PXDNL: variants seen among roughly 807,000 people sequenced by gnomAD.
The protein encoded by PXDNL is probable oxidoreductase PXDNL.
PXDNL carries 145 observed loss-of-function variants against 150.8 expected under a neutral mutation model. The ratio of observed to expected loss-of-function variants is 0.96; its 90% CI spans 0.84 to 1.10. The LOEUF (loss-of-function observed/expected upper bound fraction) is 1.10. Among genes scored for constraint, PXDNL ranks in the 50% least tolerant of loss-of-function variants. PXDNL has a pLI of 0.00. For synonymous variants in PXDNL, 757 were observed against 725.7 expected (o/e 1.04, Z -0.69); for missense variants, 2,087 against 1,873.9 (o/e 1.11, Z -2.10).
intron 2 of PXDNL, among the ~76,000 whole-genome samples, chr8:51,652,221 A>G (rs574378332): frequency 5.4e-4 from 82 of 152,238 alleles, no homozygotes; most frequent in African/African-American, 1.8e-3. Context: ...TTCATGAAAA[A>G]TTTAACTTTA....
At chr8:51,476,161 G>C (rs1189911900) in intron 6 of PXDNL, among the ~76,000 whole-genome samples, 1 of 152,188 alleles carries the variant, frequency 6.6e-6, no homozygotes, top group African/African-American at 2.4e-5. Flanking sequence ...CTTTGTTTAT[G>C]TGTTACAGAA....
chr8:51,552,158 T>G (rs533060838), intron 4 of PXDNL, among the ~76,000 whole-genome samples: 1 of 152,152 alleles, frequency 6.6e-6, no homozygotes, highest in African/African-American at 2.4e-5. Flanking sequence ...ACGGCCATAA[T>G]GTAATTAAAA....
chr8:51,720,285 T>C lies in PXDNL; in HGVS notation c.165-65525A>G, dbSNP rs539425396. 4.6e-5 allele frequency among the ~76,000 whole-genome samples: 7 copies of C among 152,176 alleles called. No homozygotes were observed. The East Asian group carries it at 1.4e-3, about 29-fold the overall frequency. On this transcript the variant is annotated intron_variant, in intron 1 of 22. Transcript: ENST00000356297. Reference sequence around the variant, plus strand: ...ACAACTTATGTGACATATTATCCTTTATGTCTGAATTGTTTTTTTAAAGCT... The same window carrying C: ...ACAACTTATGTGACATATTATCCTTCATGTCTGAATTGTTTTTTTAAAGCT...
chr8:51,726,384 T>C (rs1424061706), intron 1 of PXDNL, among the ~76,000 whole-genome samples: 1 of 152,188 alleles, frequency 6.6e-6, no homozygotes, highest in Non-Finnish European at 1.5e-5. Context: ...ACCTTTGGCT[T>C]GGTAAACCCA....
At chr8:51,355,169 A>G (rs1280076385) in intron 19 of PXDNL, among the ~76,000 whole-genome samples, 1 of 152,160 alleles carries the variant, frequency 6.6e-6, no homozygotes, top group Non-Finnish European at 1.5e-5. Context: ...TTCTTTAGTA[A>G]TACTTCGAAG....
rs1814912753 is a variant in PXDNL at position 51,646,087 on chromosome 8, G to C, written c.236+8602C>G. ...TGTTCCCCGAAATGGGTATGTTGAT[G>C]CCCTAACCCCTCACGTGACTAAATT... On this transcript the variant is annotated intron_variant, in intron 2 of 22. Transcript: ENST00000356297. Among the ~76,000 whole-genome samples the C allele has an allele frequency of 2.0e-5, 3 of 152,054 alleles. No individual in the cohort carries two copies. In the South Asian group the frequency reaches 6.2e-4, roughly 31 times the overall value.
At chr8:51,371,578 G>C (rs1328585742) in intron 19 of PXDNL, among the ~76,000 whole-genome samples, 1 of 152,166 alleles carries the variant, frequency 6.6e-6, no homozygotes. Context: ...CAAGTGATTG[G>C]CATTTGATCT....
chr8:51,676,318 C>T (rs1401733967), intron 1 of PXDNL, among the ~76,000 whole-genome samples: 1 of 152,032 alleles, frequency 6.6e-6, no homozygotes, highest in Admixed American at 6.6e-5. Context: ...GCTCTGTCAC[C>T]CAGGCTGGAG....
chr8:51,463,726 G>A lies in PXDNL; in HGVS notation c.813-6059C>T, dbSNP rs149368835. Reference sequence around the variant, plus strand: ...AGCCATAAAGCAAGTCTCAATAAATGCAAAAACATCAAAATCATACCAACC... The same window carrying A: ...AGCCATAAAGCAAGTCTCAATAAATACAAAAACATCAAAATCATACCAACC... On this transcript the variant is annotated intron_variant, in intron 8 of 22. Transcript: ENST00000356297. 2.0e-5 allele frequency among the ~76,000 whole-genome samples: 3 copies of A among 152,064 alleles called. No homozygotes were observed. In the East Asian group the frequency reaches 5.8e-4, roughly 29 times the overall value.
At chr8:51,403,830 G>A (rs1428560754) in intron 17 of PXDNL, among the ~76,000 whole-genome samples, 1 of 152,036 alleles carries the variant, frequency 6.6e-6, no homozygotes, top group Non-Finnish European at 1.5e-5. Context: ...GAATTGGTGA[G>A]GTCTCGGTCT....
intron 19 of PXDNL, among the ~76,000 whole-genome samples, chr8:51,361,685 G>C (rs1413778154): frequency 6.6e-6 from 1 of 152,062 alleles, no homozygotes; most frequent in Non-Finnish European, 1.5e-5. Context: ...TTCCTGGCTA[G>C]GTGCAGTGGC....
At chr8:51,797,618 G>C (rs1290664478) in intron 1 of PXDNL, among the ~76,000 whole-genome samples, 2 of 152,096 alleles carry the variant, frequency 1.3e-5, no homozygotes, top group African/African-American at 4.8e-5. Context: ...AACTTACAAG[G>C]TACGTGAATG....
At chr8:51,661,160 G>A (rs1283792899) in intron 1 of PXDNL, among the ~76,000 whole-genome samples, 1 of 152,146 alleles carries the variant, frequency 6.6e-6, no homozygotes, top group African/African-American at 2.4e-5. Flanking sequence ...GCATCTGGAG[G>A]ACACCCTCCA....
At chr8:51,726,158 T>A (rs755411237) in intron 1 of PXDNL, among the ~76,000 whole-genome samples, 2 of 152,218 alleles carry the variant, frequency 1.3e-5, no homozygotes, top group Non-Finnish European at 2.9e-5. Flanking sequence ...CAGCTCTAAC[T>A]GCAATCTATT....
intron 1 of PXDNL, among the ~76,000 whole-genome samples, chr8:51,657,930 T>C (rs1282814442): frequency 6.6e-6 from 1 of 152,134 alleles, no homozygotes; most frequent in Non-Finnish European, 1.5e-5. Flanking sequence ...GCTGGTGCCA[T>C]AGAAAGGTCT....
intron 1 of PXDNL, among the ~76,000 whole-genome samples, chr8:51,701,940 A>G (rs1375230669): frequency 6.6e-6 from 1 of 152,202 alleles, no homozygotes; most frequent in Non-Finnish European, 1.5e-5. Flanking sequence ...TAAACTCCTG[A>G]AGCCTGAGCC....
At chr8:51,345,493 T>C (rs1377667876) in intron 20 of PXDNL, among the ~76,000 whole-genome samples, 1 of 152,220 alleles carries the variant, frequency 6.6e-6, no homozygotes, top group Non-Finnish European at 1.5e-5. Flanking sequence ...CTATTACCTT[T>C]CTCGCAAACA....
chr8:51,719,739 C>G (rs566034330), intron 1 of PXDNL, among the ~76,000 whole-genome samples: 1 of 151,460 alleles, frequency 6.6e-6, no homozygotes, highest in East Asian at 1.9e-4. Context: ...AAGAAAGGAA[C>G]GAGGATTAAT....
intron 21 of PXDNL, among the ~76,000 whole-genome samples, chr8:51,329,758 G>A (rs927688168): frequency 2.0e-5 from 3 of 152,158 alleles, no homozygotes; most frequent in Non-Finnish European, 4.4e-5. Context: ...GCCTTCGATG[G>A]CTTCATCAGT....
Sources: gnomAD v4.1 joint callset for allele counts (sites outside exome capture counted in the v4.1 genomes callset) on GRCh38, gnomAD v4.1.1 for gene constraint, MANE v1.5 for transcripts, NCBI Gene and HGNC (gene_info 2026-07-23, HGNC 2026-07-21) for gene names.